The following OLFM3 variants were observed in gnomAD, a reference collection of about 807,000 sequenced individuals.
OLFM3 encodes the protein olfactomedin 3, also known as noelin-3.
OLFM3 carries 20 observed loss-of-function variants against 48.6 expected under a neutral mutation model. That is an observed-to-expected ratio of 0.41 (90% confidence interval 0.29 to 0.60). The LOEUF (loss-of-function observed/expected upper bound fraction) is 0.60. OLFM3 is among the 20% of genes least tolerant of loss of function. OLFM3 has a pLI of 0.28. For synonymous variants in OLFM3, 222 were observed against 198.1 expected (o/e 1.12, Z -1.01); for missense variants, 437 against 544.3 (o/e 0.80, Z 1.96).
chr1:101,873,659 C>T (rs562490984), intron 1 of OLFM3, among the ~76,000 whole-genome samples: 16 of 151,496 alleles, frequency 1.1e-4, no homozygotes, highest in Non-Finnish European at 2.2e-4. Flanking sequence ...TTGTTCTTCC[C>T]TAGTATAAAA....
At chr1:101,963,167 G>T (rs1293712983) in intron 1 of OLFM3, among the ~76,000 whole-genome samples, 1 of 152,142 alleles carries the variant, frequency 6.6e-6, no homozygotes, top group East Asian at 1.9e-4. Context: ...TATTGGGCAG[G>T]ACTCAGAGCC....
intron 1 of OLFM3, among the ~76,000 whole-genome samples, chr1:101,991,278 A>G (rs976132331): frequency 2.0e-5 from 3 of 152,030 alleles, no homozygotes; most frequent in Non-Finnish European, 4.4e-5. Context: ...AATTAATTTC[A>G]CATAACCTAC....
At chr1:101,975,954 C>T (rs948748759) in intron 1 of OLFM3, among the ~76,000 whole-genome samples, 8 of 152,022 alleles carry the variant, frequency 5.3e-5, no homozygotes, top group African/African-American at 1.9e-4. Flanking sequence ...AAAAAACAGC[C>T]AACTTTTAAG....
At chr1:101,915,629 G>T (rs1658901054) in intron 1 of OLFM3, among the ~76,000 whole-genome samples, 1 of 152,076 alleles carries the variant, frequency 6.6e-6, no homozygotes, top group African/African-American at 2.4e-5. Flanking sequence ...AAAACACGAA[G>T]AAATTGATGA....
intron 1 of OLFM3, among the ~76,000 whole-genome samples, chr1:101,928,920 G>A (rs1659360217): frequency 6.6e-6 from 1 of 152,048 alleles, no homozygotes; most frequent in African/African-American, 2.4e-5. Flanking sequence ...TTGATGCTGT[G>A]GCTGTTTTGT....
intron 1 of OLFM3, among the ~76,000 whole-genome samples, chr1:101,955,455 C>T (rs1387630389): frequency 6.6e-6 from 1 of 151,882 alleles, no homozygotes; most frequent in Non-Finnish European, 1.5e-5. Context: ...TTTAAACACC[C>T]TCATAAACAC....
intron 4 of OLFM3, among the ~76,000 whole-genome samples, chr1:101,808,517 A>T (rs1306467652): frequency 6.6e-6 from 1 of 151,914 alleles, no homozygotes; most frequent in East Asian, 1.9e-4. Flanking sequence ...AATCAGGCAC[A>T]CCACTTAAAC....
chr1:101,923,150 C>G (rs1168792133), intron 1 of OLFM3, among the ~76,000 whole-genome samples: 1 of 152,168 alleles, frequency 6.6e-6, no homozygotes, highest in African/African-American at 2.4e-5. Flanking sequence ...AGACAATGCC[C>G]TTTATTTCAT....
At chr1:101,874,176 C>A (rs953251635) in intron 1 of OLFM3, among the ~76,000 whole-genome samples, 3 of 151,652 alleles carry the variant, frequency 2.0e-5, no homozygotes, top group Non-Finnish European at 4.4e-5. Flanking sequence ...TTTGAAAAAA[C>A]CTTTTCTGCC....
intron 1 of OLFM3, among the ~76,000 whole-genome samples, chr1:101,854,241 A>T (rs1656332859): frequency 6.8e-6 from 1 of 146,836 alleles, no homozygotes; most frequent in Admixed American, 6.6e-5. Context: ...GCCCTTGGCA[A>T]CCAATTAGGG....
intron 1 of OLFM3, among the ~76,000 whole-genome samples, chr1:101,858,203 G>A (rs1656507667): frequency 6.6e-6 from 1 of 151,894 alleles, no homozygotes; most frequent in Non-Finnish European, 1.5e-5. Flanking sequence ...AATAATATGT[G>A]TACTAATATC....
chr1:101,961,489 A>T (rs930711984), intron 1 of OLFM3, among the ~76,000 whole-genome samples: 5 of 152,060 alleles, frequency 3.3e-5, no homozygotes, highest in Non-Finnish European at 7.4e-5. Flanking sequence ...CTTTTTAAAA[A>T]TATTTAAGTC....
intron 4 of OLFM3, among the ~76,000 whole-genome samples, chr1:101,822,001 G>A (rs1654626888): frequency 6.6e-6 from 1 of 152,078 alleles, no homozygotes; most frequent in South Asian, 2.1e-4. Context: ...CAGATATTAA[G>A]GATCAAGTCC....
chr1:101,988,132 T>C (rs868811990), intron 1 of OLFM3, among the ~76,000 whole-genome samples: 12 of 152,166 alleles, frequency 7.9e-5, no homozygotes, highest in Middle Eastern at 3.4e-3. Context: ...CTTTAGATAC[T>C]TAAAAAAAGG....
intron 1 of OLFM3, among the ~76,000 whole-genome samples, chr1:101,920,145 G>A (rs1472826433): frequency 6.6e-6 from 1 of 151,684 alleles, no homozygotes; most frequent in Non-Finnish European, 1.5e-5. Flanking sequence ...TGGTCTCTCT[G>A]TTTGTGTTGC....
chr1:101,888,381 C>T (rs1212509672), intron 1 of OLFM3, among the ~76,000 whole-genome samples: 2 of 152,056 alleles, frequency 1.3e-5, no homozygotes, highest in East Asian at 3.9e-4. Context: ...ACAAACTTGA[C>T]AAAAACAAGA....
intron 1 of OLFM3, among the ~76,000 whole-genome samples, chr1:101,877,961 G>A (rs1478067789): frequency 2.0e-5 from 3 of 151,750 alleles, no homozygotes; most frequent in African/African-American, 7.3e-5. Flanking sequence ...CTTAGGATAT[G>A]TATGGCTGGT....
chr1:101,957,162 A>G (rs1325812418), intron 1 of OLFM3, among the ~76,000 whole-genome samples: 5 of 151,928 alleles, frequency 3.3e-5, no homozygotes, highest in Non-Finnish European at 7.4e-5. Flanking sequence ...AACCAATTAC[A>G]TAGCTATGGT....
chr1:101,964,145 T>C (rs542678538), intron 1 of OLFM3, among the ~76,000 whole-genome samples: 1 of 152,288 alleles, frequency 6.6e-6, no homozygotes, highest in East Asian at 1.9e-4. Context: ...AAATTAGTCT[T>C]GAAGCAGATT....
Sources: gnomAD v4.1 joint callset for allele counts (sites outside exome capture counted in the v4.1 genomes callset) on GRCh38, gnomAD v4.1.1 for gene constraint, MANE v1.5 for transcripts, NCBI Gene and HGNC (gene_info 2026-07-23, HGNC 2026-07-21) for gene names.